The following SLC27A6 variants were observed in gnomAD, a reference collection of about 807,000 sequenced individuals.
SLC27A6 encodes solute carrier family 27 member 6, also known as long-chain fatty acid transport protein 6.
In SLC27A6, 74 loss-of-function variants were observed where a neutral mutation model predicts 63.9. That is an observed-to-expected ratio of 1.16 (90% CI 0.96 to 1.40). The LOEUF (loss-of-function observed/expected upper bound fraction) is 1.40, where lower values mean the gene tolerates loss of function less well. Among genes scored for constraint, SLC27A6 ranks in the 40% most tolerant of loss-of-function variants. SLC27A6 has a pLI of 0.00. For missense variants in SLC27A6, 794 were observed against 732.9 expected, an observed-to-expected ratio of 1.08 and a Z score of -0.96; for synonymous variants, 287 against 260.8, an observed-to-expected ratio of 1.10 and a Z score of -0.97.
chr5:129,021,558 A>G (rs1169483623), intron 5 of SLC27A6, among the ~76,000 whole-genome samples: 1 of 152,200 alleles, frequency 6.6e-6, no homozygotes, highest in Non-Finnish European at 1.5e-5. Context: ...ATGGGACCCC[A>G]TGTTTTGAAT....
intron 1 of SLC27A6, among the ~76,000 whole-genome samples, chr5:128,967,946 G>A (rs1458948171): frequency 2.0e-5 from 3 of 151,736 alleles, no homozygotes; most frequent in African/African-American, 4.8e-5. Context: ...GGTGTGTGAT[G>A]TTCCCCACCC....
intron 4 of SLC27A6, among the ~76,000 whole-genome samples, chr5:129,008,808 A>G (rs1294961005): frequency 6.6e-6 from 1 of 152,136 alleles, no homozygotes; most frequent in African/African-American, 2.4e-5. Context: ...AAGGAAATCA[A>G]CAAGTGAGAG....
chr5:128,990,318 C>T (rs779739387), intron 3 of SLC27A6, 22 bp from the exon 4 acceptor site: 1 of 1,604,464 alleles, frequency 6.2e-7, no homozygotes, highest in East Asian at 2.2e-5. Flanking sequence ...TCCCTAGTGC[C>T]TGTTTTTGTC....
chr5:129,012,988 G>T (rs989927675), intron 4 of SLC27A6, among the ~76,000 whole-genome samples: 1 of 150,012 alleles, frequency 6.7e-6, no homozygotes, highest in African/African-American at 2.5e-5. Flanking sequence ...ATTTTTTCTT[G>T]TTGTCTCATC....
chr5:129,004,756 C>A (rs192703139), intron 4 of SLC27A6, among the ~76,000 whole-genome samples: 1 of 152,226 alleles, frequency 6.6e-6, no homozygotes, highest in Non-Finnish European at 1.5e-5. Flanking sequence ...AGGTGACGTA[C>A]CACTAATTTC....
At position 129,016,051 on chromosome 5, in the gene SLC27A6, C is replaced by T. The variant is rs1431924170; in HGVS notation, c.1136C>T (p.Ala379Val). Residue 379 changes from alanine to valine, a missense_variant, in exon 5 of 10, where the codon GCA becomes GTA. By Grantham distance (64) the Ala-to-Val change is moderately conservative. Coordinates refer to ENST00000262462, the MANE Select transcript of SLC27A6 (RefSeq NM_001017372.3). ...ATGAACTACACTGGGAGAATTGGAG[C>T]AATTGGGAGAACAAATTTGTTTTAC... ...SFMNYTGRIG[A>V]IGRTNLFYKL... 1 of 1,587,628 alleles carries T rather than the reference C, an allele frequency of 6.3e-7. No homozygotes were observed. The highest frequency in any genetic ancestry group is 8.5e-7 in the Non-Finnish European group (1 of 1,172,696).
At chr5:128,994,316 A>G (rs1435924453) in intron 4 of SLC27A6, among the ~76,000 whole-genome samples, 1 of 152,220 alleles carries the variant, frequency 6.6e-6, no homozygotes, top group African/African-American at 2.4e-5. Context: ...CCAAAGGGAA[A>G]CTTAATAATT....
In SLC27A6 at chr5:128,988,773, T is replaced by C. The variant is rs1327123962; in HGVS notation, c.844+15T>C. ...TGTTGAGTTGGGTAAGGCTTTATTT[T>C]CTTTTTGATAAGTTTTCAAAATGTC... On this transcript the variant is annotated intron_variant, in intron 3 of 9. Coordinates refer to ENST00000262462, the MANE Select transcript of SLC27A6 (RefSeq NM_001017372.3). 2 of 1,587,234 alleles carry C rather than the reference T, an allele frequency of 1.3e-6. No homozygotes were observed. Among genetic ancestry groups the C allele is most frequent in the Admixed American group, 3.7e-5 (2 of 53,872 alleles).
rs150765102 is a variant in SLC27A6 at position 129,021,352 on chromosome 5, G to A, written c.1165-2268G>A. 2.2e-3 allele frequency among the ~76,000 whole-genome samples: 332 copies of A among 151,936 alleles called. 2 individuals carry two copies. Among genetic ancestry groups the A allele is most frequent in the African/African-American group, 7.7e-3 (318 of 41,444 alleles). On this transcript the variant is annotated intron_variant, in intron 5 of 9. Coordinates refer to ENST00000262462, the MANE Select transcript of SLC27A6 (RefSeq NM_001017372.3). ...CCCGACTCTACTACTATTTCACTTC[G>A]TGACTTTGACAAGTTACTTTTCTCT...
Position 128,966,399 on chromosome 5 carries a change from A to G in SLC27A6, c.262A>G (p.Arg88Gly). ...CTACACCTATCAGGATGTAGACAAA[A>G]GGAGCAGCAGAGTGGCCCATGTCTT... Reference protein sequence around the residue: ...DIYTYQDVDKRSSRVAHVFLN... With the variant: ...DIYTYQDVDKGSSRVAHVFLN... Residue 88 changes from arginine (R) to glycine (G), a missense_variant, in exon 1 of 10, where the codon AGG becomes GGG. Physicochemically the swap from Arg to Gly is moderately radical, Grantham distance 125. Coordinates refer to ENST00000262462, the MANE Select transcript of SLC27A6 (RefSeq NM_001017372.3). 1 of 1,611,710 alleles carries G rather than the reference A, an allele frequency of 6.2e-7. No homozygotes were observed. The highest frequency in any genetic ancestry group is 8.5e-7 in the Non-Finnish European group (1 of 1,178,900).
intron 1 of SLC27A6, among the ~76,000 whole-genome samples, chr5:128,971,457 A>G (rs1279058268): frequency 6.6e-6 from 1 of 151,922 alleles, no homozygotes; most frequent in Non-Finnish European, 1.5e-5. Context: ...TTGGGTGCAT[A>G]TATATTCAGG....
intron 1 of SLC27A6, among the ~76,000 whole-genome samples, chr5:128,976,723 C>T (rs950986115): frequency 1.3e-5 from 2 of 152,076 alleles, no homozygotes; most frequent in African/African-American, 4.8e-5. Context: ...CAGTGCAAGG[C>T]TGCATGCATT....
In SLC27A6 at chr5:129,023,711, G is replaced by A. The variant is rs141842204; in HGVS notation, c.1255+1G>A. 1.9e-5 allele frequency: 30 copies of A among 1,596,264 alleles called. No homozygotes were observed. The highest frequency in any genetic ancestry group is 3.4e-5 in the Admixed American group (2 of 58,744). On this transcript the variant is annotated splice_donor_variant, in intron 6 of 9. Coordinates refer to ENST00000262462, the MANE Select transcript of SLC27A6 (RefSeq NM_001017372.3). LOFTEE classifies it high-confidence loss of function. The stretch of plus-strand genomic sequence containing the variant: ...GGTTGGTGTATTCATGTGAAAAAAG[G>A]TAAGACTTCTATTTGAAGACATCTC...
chr5:129,028,409 C>A lies in SLC27A6; in HGVS notation c.1519C>A (p.Gln507Lys). The stretch of plus-strand genomic sequence containing the variant: ...TGTTATTGGAATGTTGGATTTCATA[C>A]AGGAAGCAAACGTCTATGGTGTGGC... ...ADVIGMLDFI[Q>K]EANVYGVAIS... Residue 507 changes from glutamine to lysine, a missense_variant, in exon 8 of 10, where the codon CAG becomes AAG. Coordinates refer to ENST00000262462, the MANE Select transcript of SLC27A6 (RefSeq NM_001017372.3). 1 of 1,608,286 alleles carries A rather than the reference C, an allele frequency of 6.2e-7. No homozygotes were observed. The highest frequency in any genetic ancestry group is 8.5e-7 in the Non-Finnish European group (1 of 1,175,542).
intron 1 of SLC27A6, among the ~76,000 whole-genome samples, chr5:128,976,752 A>C (rs2150129866): frequency 1.3e-5 from 2 of 152,346 alleles, no homozygotes; most frequent in East Asian, 3.9e-4. Context: ...TTTATAGAGA[A>C]GACACAGGAT....
intron 4 of SLC27A6, among the ~76,000 whole-genome samples, chr5:129,011,505 C>T (rs1364970542): frequency 6.6e-6 from 1 of 152,162 alleles, no homozygotes; most frequent in East Asian, 1.9e-4. Context: ...CCATAAGCAA[C>T]ACCATAGCTG....
Position 128,966,644 on chromosome 5 carries a change from A to G in SLC27A6, c.481+26A>G, listed in dbSNP as rs747176448. 4.1e-6 allele frequency: 6 copies of G among 1,456,402 alleles called. No individual in the cohort carries two copies. The East Asian group carries it at 9.4e-5, about 23-fold the overall frequency. 90.2% of individuals were successfully genotyped at this position (1,456,402 alleles called of 1,614,324 possible). A position where few individuals can be genotyped will look rare whatever the true frequency, so the allele number is the denominator to read the frequency against. On this transcript the variant is annotated intron_variant, in intron 1 of 9. Coordinates refer to ENST00000262462, the MANE Select transcript of SLC27A6 (RefSeq NM_001017372.3). Reference sequence around the variant, plus strand: ...GTAGAGTATGGGGTGTGGTCTGCCTATACAGAATGGCAGCCCACCTGCTTT... The same window carrying G: ...GTAGAGTATGGGGTGTGGTCTGCCTGTACAGAATGGCAGCCCACCTGCTTT...
chr5:129,003,988 A>AAAG (rs1751435922), intron 4 of SLC27A6, among the ~76,000 whole-genome samples: 1 of 151,062 alleles, frequency 6.6e-6, no homozygotes. Flanking sequence ...AAAAAAAAAA[A>AAAG]GAACCTCAAA....
At chr5:128,986,666 T>C (rs185974006) in intron 2 of SLC27A6, among the ~76,000 whole-genome samples, 16 of 152,292 alleles carry the variant, frequency 1.1e-4, no homozygotes, top group Admixed American at 6.5e-4. Flanking sequence ...GGAGCTTCTT[T>C]CTCAGATTGT....
Sources: allele counts gnomAD v4.1 joint callset (sites outside exome capture counted in the v4.1 genomes callset), GRCh38; gene constraint gnomAD v4.1.1; transcripts MANE v1.5; gene names NCBI Gene and HGNC (gene_info 2026-07-23, HGNC 2026-07-21).